Variants in RGPD4 observed in about 807,000 individuals in gnomAD.
The protein encoded by RGPD4 is RANBP2 like and GRIP domain containing 4, also known as ranBP2-like and GRIP domain-containing protein 4.
Under a neutral mutation model 141.1 loss-of-function variants are expected in RGPD4, and 84 were observed. The ratio of observed to expected loss-of-function variants is 0.60; its 90% CI spans 0.50 to 0.71. The LOEUF (loss-of-function observed/expected upper bound fraction) is 0.71, where lower values mean the gene tolerates loss of function less well. Among genes scored for constraint, RGPD4 ranks in the 30% least tolerant of loss-of-function variants. RGPD4 has a pLI of 0.00. For synonymous variants in RGPD4, 298 were observed against 566.8 expected, an observed-to-expected ratio of 0.53 and a Z score of 6.74; for missense variants, 918 against 1,622.4, an observed-to-expected ratio of 0.57 and a Z score of 7.46.
chr2:107,852,362 T>C (rs1682148508), intron 7 of RGPD4, among the ~76,000 whole-genome samples: 2 of 151,624 alleles, frequency 1.3e-5, no homozygotes, highest in Non-Finnish European at 2.9e-5. Flanking sequence ...AGAGGCCGGG[T>C]TTATGAATTG....
chr2:107,827,752 T>C (rs879201408), intron 1 of RGPD4, among the ~76,000 whole-genome samples: 3,765 of 9,902 alleles, frequency 0.38, 1,025 homozygotes, highest in African/African-American at 0.7. Flanking sequence ...TCATGGCTCC[T>C]GACGGGCGCT....
intron 8 of RGPD4, among the ~76,000 whole-genome samples, 159 bp downstream of exon 8, chr2:107,854,802 G>T (rs568975647): frequency 1.3e-5 from 2 of 152,088 alleles, no homozygotes; most frequent in African/African-American, 4.8e-5. Context: ...GAGATGCGAA[G>T]AAATAGCACA....
chr2:107,846,720 A>G lies in RGPD4; in HGVS notation c.783-1621A>G, dbSNP rs1007174098. ...TGACCTCAGGTGATCCACCCGCCTCAGCCTCCCAAAGTGCTGGAATTACAT... is the reference window on the plus strand; with the variant it reads ...TGACCTCAGGTGATCCACCCGCCTCGGCCTCCCAAAGTGCTGGAATTACAT... On this transcript the variant is annotated intron_variant, in intron 6 of 22. Transcript: ENST00000408999. Among the ~76,000 whole-genome samples the G allele has an allele frequency of 8.0e-5, 12 of 150,512 alleles. No homozygotes were observed. The South Asian group carries it at 8.4e-4, about 11-fold the overall frequency.
At chr2:107,883,499 A>G (rs1204851386) in intron 22 of RGPD4, among the ~76,000 whole-genome samples, 1 of 150,884 alleles carries the variant, frequency 6.6e-6, no homozygotes, top group South Asian at 2.1e-4. Flanking sequence ...ACGTGGTGGC[A>G]TGCGCCTGTA....
At chr2:107,884,256 G>A (rs917240202) in intron 22 of RGPD4, among the ~76,000 whole-genome samples, 1 of 151,802 alleles carries the variant, frequency 6.6e-6, no homozygotes, top group African/African-American at 2.4e-5. Flanking sequence ...GACTACAGAT[G>A]CACGCCAGCT....
rs1682951920 is a variant in RGPD4, at chr2:107,872,228, TCA to T, written c.4229_4230del (p.Thr1410AsnfsTer23). ...RDQVLKLCAN[H>X]TITPDMSLQN... Reference sequence around the variant, plus strand: ...ACCAAGTATTAAAACTTTGTGCCAATCACACAATAACTCCAGACATGAGTTTG... The same window carrying T: ...ACCAAGTATTAAAACTTTGTGCCAATCACAATAACTCCAGACATGAGTTTG... On this transcript the variant is annotated frameshift_variant, in exon 20 of 23. Transcript: ENST00000408999. LOFTEE classifies it high-confidence loss of function. 6.2e-7 allele frequency: 1 copy of T among 1,611,396 alleles called. No individual in the cohort carries two copies. Among genetic ancestry groups the T allele is most frequent in the Non-Finnish European group, 8.5e-7 (1 of 1,179,866 alleles).
At chr2:107,885,401 A>G (rs888051843) in intron 22 of RGPD4, among the ~76,000 whole-genome samples, 1 of 152,230 alleles carries the variant, frequency 6.6e-6, no homozygotes, top group African/African-American at 2.4e-5. Flanking sequence ...CATGTCTAAC[A>G]GCCCTCTTTT....
rs1247216875 is a variant in RGPD4 at position 107,880,458 on chromosome 2, T to G, written c.5064+351T>G. 1.4e-3 allele frequency among the ~76,000 whole-genome samples: 218 copies of G among 151,330 alleles called. 2 individuals carry two copies. The highest frequency in any genetic ancestry group is 4.9e-3 in the African/African-American group (201 of 40,840). On this transcript the variant is annotated intron_variant, in intron 21 of 22. Transcript: ENST00000408999. ...TCTTTGTATTTTTAGTAGAGACAGG[T>G]TTTACCATGTTATCCAGGATGGTCT...
rs745953467 is a variant in RGPD4 at position 107,890,721 on chromosome 2, G to C, written c.5267G>C (p.Gly1756Ala). ...TTTTTTTTTGTTTTACTTTCCAAAGGTGAGGAATAAAATGCTTCCCGTTCT... is the reference window on the plus strand; with the variant it reads ...TTTTTTTTTGTTTTACTTTCCAAAGCTGAGGAATAAAATGCTTCCCGTTCT... ...EKGKLAAVAQ[G>A]EE The change falls in exon 23 of 23, where the codon GGT becomes GCT. Residue 1756 changes from glycine (G) to alanine (A), a missense_variant and splice_region_variant. Coordinates refer to ENST00000408999, the MANE Select transcript of RGPD4 (RefSeq NM_182588.3). 1.9e-6 allele frequency: 3 copies of C among 1,598,758 alleles called. No homozygotes were observed. Among genetic ancestry groups the C allele is most frequent in the Admixed American group, 1.8e-5 (1 of 56,872 alleles).
chr2:107,883,647 A>G (rs1237282533), intron 22 of RGPD4, among the ~76,000 whole-genome samples: 9 of 79,964 alleles, frequency 1.1e-4, no homozygotes, highest in Admixed American at 5.5e-4. Context: ...AAACAAAAAC[A>G]AAAAACTATG....
chr2:107,830,658 G>A (rs1681452303), intron 1 of RGPD4, among the ~76,000 whole-genome samples: 1 of 152,008 alleles, frequency 6.6e-6, no homozygotes, highest in Non-Finnish European at 1.5e-5. Flanking sequence ...TTAGGTTTGA[G>A]TGAAATGACA....
chr2:107,880,479 G>T (rs1427499018), intron 21 of RGPD4, among the ~76,000 whole-genome samples: 1 of 151,326 alleles, frequency 6.6e-6, no homozygotes, highest in Admixed American at 6.6e-5. Context: ...TATCCAGGAT[G>T]GTCTCGATCT....
chr2:107,872,722 G>C lies in RGPD4; in HGVS notation c.4718G>C (p.Ser1573Thr), dbSNP rs757060017. 8.7e-6 allele frequency: 14 copies of C among 1,611,604 alleles called. No individual in the cohort carries two copies. The highest frequency in any genetic ancestry group is 3.3e-5 in the Admixed American group (2 of 59,978). Reference sequence around the variant, plus strand: ...GCCACTGGGTCTTTGTTTGGATTTAGTTTTAATGCATCTTTGAAAAGTAAC... The same window carrying C: ...GCCACTGGGTCTTTGTTTGGATTTACTTTTAATGCATCTTTGAAAAGTAAC... Reference protein sequence around the residue: ...SSATGSLFGFSFNASLKSNNS... With the variant: ...SSATGSLFGFTFNASLKSNNS... Residue 1573 changes from serine (S) to threonine (T), a missense_variant, in exon 20 of 23, where the codon AGT becomes ACT. By Grantham distance (58) the Ser-to-Thr change is moderately conservative (BLOSUM62 1). Coordinates refer to ENST00000408999, the MANE Select transcript of RGPD4 (RefSeq NM_182588.3).
At position 107,890,920 on chromosome 2, in the gene RGPD4, T is replaced by G; in HGVS notation, c.*189T>G. On this transcript the variant is annotated 3_prime_UTR_variant, in exon 23 of 23. Transcript: ENST00000408999. ...ATTTACATATATTTGTACATCTATATGACAGATGTATTTTAAAAGTTTCAA... is the reference window on the plus strand; with the variant it reads ...ATTTACATATATTTGTACATCTATAGGACAGATGTATTTTAAAAGTTTCAA... 1 of 648,708 alleles carries G rather than the reference T, an allele frequency of 1.5e-6. No homozygotes were observed. The highest frequency in any genetic ancestry group is 2.7e-6 in the Non-Finnish European group (1 of 375,914). The allele number at this position is 648,708 out of a possible 1,614,324, so 40.2% of individuals were successfully genotyped here. A position where few individuals can be genotyped will look rare whatever the true frequency, so the allele number is the denominator to read the frequency against.
Position 107,829,808 on chromosome 2 carries a change from G to A in RGPD4, c.72+2723G>A, listed in dbSNP as rs545328642. ...GTCCTGGCCCGGGCTTTCTGGCCCC[G>A]TAGTACCCGCGCAGCCTGGTTCTCG... On this transcript the variant is annotated intron_variant, in intron 1 of 22. Coordinates refer to ENST00000408999, the MANE Select transcript of RGPD4 (RefSeq NM_182588.3). 4.6e-5 allele frequency among the ~76,000 whole-genome samples: 7 copies of A among 152,218 alleles called. No individual in the cohort carries two copies. In the East Asian group the frequency reaches 5.8e-4, roughly 13 times the overall value.
At chr2:107,887,372 A>G (rs1302692424) in intron 22 of RGPD4, among the ~76,000 whole-genome samples, 2 of 152,208 alleles carry the variant, frequency 1.3e-5, no homozygotes, top group East Asian at 1.9e-4. Flanking sequence ...CTACATATAT[A>G]CATGAGTGTT....
In RGPD4 at chr2:107,856,764, CAT is replaced by C; in HGVS notation, c.1072_1073del (p.Met358ValfsTer17). On this transcript the variant is annotated frameshift_variant, in exon 9 of 23. Transcript: ENST00000408999. LOFTEE classifies it high-confidence loss of function. ...ACDRLSQSGH[M>X]LLNLSRGKQD... ...TAACTTAAATTTTTTTTTCAGGGCACATGTTGCTAAACTTAAGTCGTGGCAAG... is the reference window on the plus strand; with the variant it reads ...TAACTTAAATTTTTTTTTCAGGGCACGTTGCTAAACTTAAGTCGTGGCAAG... 3.8e-6 allele frequency: 2 copies of C among 521,836 alleles called. No individual in the cohort carries two copies. The highest frequency in any genetic ancestry group is 6.9e-6 in the Non-Finnish European group (2 of 289,544). 32.3% of individuals were successfully genotyped at this position (521,836 alleles called of 1,614,324 possible). A position where few individuals can be genotyped will look rare whatever the true frequency, so the allele number is the denominator to read the frequency against.
At chr2:107,845,508 G>A (rs1475005597) in intron 6 of RGPD4, among the ~76,000 whole-genome samples, 1 of 149,640 alleles carries the variant, frequency 6.7e-6, no homozygotes, top group Non-Finnish European at 1.5e-5. Flanking sequence ...TTACTTGGGG[G>A]CCTGAAGGGA....
chr2:107,826,958 C>G lies in RGPD4; in HGVS notation c.-56C>G. The G allele has an allele frequency of 6.4e-7, 1 of 1,561,962 alleles. No individual in the cohort carries two copies. Among genetic ancestry groups the G allele is most frequent in the Non-Finnish European group, 8.7e-7 (1 of 1,154,352 alleles). On this transcript the variant is annotated 5_prime_UTR_variant, in exon 1 of 23. Coordinates refer to ENST00000408999, the MANE Select transcript of RGPD4 (RefSeq NM_182588.3). ...GGCGCTTTCCTGTTGGAATTGGCGA[C>G]TGCTGCGGGGCTGAGCGCTGGTTTC...
Sources: allele counts gnomAD v4.1 joint callset (sites outside exome capture counted in the v4.1 genomes callset), GRCh38; gene constraint gnomAD v4.1.1; transcripts MANE v1.5; gene names NCBI Gene and HGNC (gene_info 2026-07-23, HGNC 2026-07-21).